Variants in GNAL observed in about 807,000 individuals in gnomAD.
The protein encoded by GNAL is guanine nucleotide-binding protein G(olf) subunit alpha.
GNAL carries 18 observed loss-of-function variants against 55.1 expected under a neutral mutation model. The observed-to-expected ratio is 0.33, with a 90% CI of 0.23 to 0.48. The LOEUF (loss-of-function observed/expected upper bound fraction) is 0.48, where lower values mean the gene tolerates loss of function less well. Among genes scored for constraint, GNAL ranks in the 20% least tolerant of loss-of-function variants. The pLI is 0.99. For synonymous variants in GNAL, 253 were observed against 237.0 expected, an observed-to-expected ratio of 1.07 and a Z score of -0.62; for missense variants, 412 against 614.1, an observed-to-expected ratio of 0.67 and a Z score of 3.48.
At chr18:11,862,896 T>C (rs1598436804) in intron 6 of GNAL, among the ~76,000 whole-genome samples, 1 of 132,582 alleles carries the variant, frequency 7.5e-6, no homozygotes, top group Non-Finnish European at 1.7e-5. Flanking sequence ...TTTTTTTTTT[T>C]GAAATGGAGT....
chr18:11,741,235 A>G (rs1431922146), intron 1 of GNAL, among the ~76,000 whole-genome samples: 1 of 152,224 alleles, frequency 6.6e-6, no homozygotes, highest in African/African-American at 2.4e-5. Context: ...CTCAGAGTTC[A>G]TCCGGGAAAG....
At chr18:11,846,964 G>A (rs1598424827) in intron 5 of GNAL, among the ~76,000 whole-genome samples, 1 of 151,962 alleles carries the variant, frequency 6.6e-6, no homozygotes, top group South Asian at 2.1e-4. Context: ...AGGTGATGCA[G>A]AGGAAAATAT....
intron 4 of GNAL, among the ~76,000 whole-genome samples, chr18:11,789,217 T>C (rs1240636064): frequency 6.6e-6 from 1 of 152,140 alleles, no homozygotes; most frequent in African/African-American, 2.4e-5. Context: ...GCATTGCTCT[T>C]ACTTGCCAAG....
chr18:11,851,471 G>T (rs1453609865), intron 5 of GNAL: 8 of 1,489,872 alleles, frequency 5.4e-6, no homozygotes, highest in Non-Finnish European at 7.1e-6. Flanking sequence ...CCTTCGGCGC[G>T]CTTCTCAGCC....
intron 4 of GNAL, among the ~76,000 whole-genome samples, chr18:11,782,323 AAAAAAG>A (rs374005690): frequency 2.0e-5 from 3 of 152,320 alleles, no homozygotes; most frequent in East Asian, 1.9e-4. Flanking sequence ...TCTCAAAAGA[AAAAAAG>A]AAAAAGAAAA....
intron 4 of GNAL, among the ~76,000 whole-genome samples, chr18:11,805,365 A>G (rs2034632048): frequency 6.6e-6 from 1 of 152,082 alleles, no homozygotes; most frequent in African/African-American, 2.4e-5. Context: ...ACATGGAGGT[A>G]TTCTGTACTG....
At chr18:11,811,613 A>G (rs1409141515) in intron 4 of GNAL, 2 of 152,242 alleles carry the variant, frequency 1.3e-5, no homozygotes, top group African/African-American at 4.8e-5. Flanking sequence ...TTCTCATTAG[A>G]AACGGTGTGT....
chr18:11,808,247 C>A (rs1189724231), intron 4 of GNAL, among the ~76,000 whole-genome samples: 1 of 152,126 alleles, frequency 6.6e-6, no homozygotes, highest in Non-Finnish European at 1.5e-5. Context: ...AGCAAAAGAG[C>A]GCCTCTGCCC....
intron 5 of GNAL, among the ~76,000 whole-genome samples, chr18:11,838,476 A>G (rs1415969797): frequency 6.6e-6 from 1 of 152,202 alleles, no homozygotes; most frequent in Non-Finnish European, 1.5e-5. Flanking sequence ...AAAGTGATTG[A>G]TGGTTGCACA....
intron 4 of GNAL, among the ~76,000 whole-genome samples, chr18:11,777,570 G>A (rs530861789): frequency 6.6e-6 from 1 of 152,210 alleles, no homozygotes; most frequent in Admixed American, 6.5e-5. Context: ...GATGAAAAGA[G>A]GCTTCAAATC....
rs142339249 is a variant in GNAL at position 11,774,467 on chromosome 18, T to C, written c.624+20522T>C. On this transcript the variant is annotated intron_variant, in intron 4 of 11. Transcript: ENST00000334049. ...AGCCACCTACGCCTTGGTTTTCCTC[T>C]TTTTTGGTGAAGTTGATAAATTGGC... 1.1e-4 allele frequency among the ~76,000 whole-genome samples: 16 copies of C among 152,342 alleles called. 1 individual carries two copies. The East Asian group carries it at 3.1e-3, about 29-fold the overall frequency.
chr18:11,771,934 TG>T (rs1359330103), intron 4 of GNAL, among the ~76,000 whole-genome samples: 2 of 152,082 alleles, frequency 1.3e-5, no homozygotes, highest in Non-Finnish European at 2.9e-5. Flanking sequence ...TTGGCCAGCC[TG>T]GTCTCGAACT....
chr18:11,756,641 T>A (rs910607534), intron 4 of GNAL, among the ~76,000 whole-genome samples: 1 of 152,120 alleles, frequency 6.6e-6, no homozygotes, highest in Non-Finnish European at 1.5e-5. Flanking sequence ...AATTTTAGTA[T>A]GCACAGAATT....
At chr18:11,776,826 A>G (rs995130422) in intron 4 of GNAL, among the ~76,000 whole-genome samples, 4 of 152,096 alleles carry the variant, frequency 2.6e-5, no homozygotes, top group African/African-American at 9.7e-5. Flanking sequence ...TCTCTTCACG[A>G]CTAAGACTTG....
intron 4 of GNAL, among the ~76,000 whole-genome samples, chr18:11,770,609 A>G (rs1053742763): frequency 6.6e-6 from 1 of 152,128 alleles, no homozygotes; most frequent in African/African-American, 2.4e-5. Flanking sequence ...ATTTTATGGC[A>G]TTATTATCAG....
chr18:11,865,755 TA>T (rs777122802), intron 7 of GNAL, among the ~76,000 whole-genome samples: 7,517 of 81,198 alleles, frequency 0.093, 548 homozygotes, highest in African/African-American at 0.23. Flanking sequence ...ACCCTGTCTC[TA>T]AAAAAAAAAA....
intron 1 of GNAL, among the ~76,000 whole-genome samples, chr18:11,698,771 CTTTG>C (rs1567989682): frequency 6.6e-6 from 1 of 152,120 alleles, no homozygotes. Context: ...AATTGTCAAT[CTTTG>C]TTTGACCCTT....
intron 1 of GNAL, chr18:11,746,884 T>G (rs778097151): frequency 7.4e-6 from 4 of 539,180 alleles, no homozygotes; most frequent in Non-Finnish European, 1.5e-5. Flanking sequence ...AGGAAGGCAC[T>G]CAGGCTCTGG....
At chr18:11,816,283 A>AT (rs1568039953) in intron 4 of GNAL, among the ~76,000 whole-genome samples, 1 of 151,948 alleles carries the variant, frequency 6.6e-6, no homozygotes, top group South Asian at 2.1e-4. Context: ...GAACTCAGCA[A>AT]TTTTTTTATT....
Sources: allele counts gnomAD v4.1 joint callset (sites outside exome capture counted in the v4.1 genomes callset), GRCh38; gene constraint gnomAD v4.1.1; transcripts MANE v1.5; gene names NCBI Gene and HGNC (gene_info 2026-07-23, HGNC 2026-07-21).